Variants in RXFP2 observed in about 807,000 individuals in gnomAD.
The protein encoded by RXFP2 is relaxin receptor 2.
RXFP2 carries 68 observed loss-of-function variants against 88.6 expected under a neutral mutation model. The ratio of observed to expected loss-of-function variants is 0.77; its 90% confidence interval spans 0.63 to 0.94. The LOEUF (loss-of-function observed/expected upper bound fraction) is 0.94. Among genes scored for constraint, RXFP2 ranks in the 40% least tolerant of loss-of-function variants. The pLI is 0.00. For missense variants in RXFP2, 791 were observed against 893.9 expected (o/e 0.88, Z 1.47); for synonymous variants, 329 against 306.8 (o/e 1.07, Z -0.76).
At chr13:31,747,967 A>G (rs937330694) in intron 1 of RXFP2, among the ~76,000 whole-genome samples, 1 of 152,236 alleles carries the variant, frequency 6.6e-6, no homozygotes, top group African/African-American at 2.4e-5. Context: ...AGAGCTGCAA[A>G]GAATGTTTTC....
In RXFP2 at chr13:31,792,074, T is replaced by C. The variant is rs765058832; in HGVS notation, c.1375+39T>C. On this transcript the variant is annotated intron_variant, in intron 15 of 17. Coordinates refer to ENST00000298386, the MANE Select transcript of RXFP2 (RefSeq NM_130806.5). Reference sequence around the variant, plus strand: ...CAGTATAAGTAGATTAAGGATATCTTCTGTGAGTTGTGCACTAGACATATA... The same window carrying C: ...CAGTATAAGTAGATTAAGGATATCTCCTGTGAGTTGTGCACTAGACATATA... 2.8e-6 allele frequency: 4 copies of C among 1,442,874 alleles called. No homozygotes were observed. The African/African-American group carries it at 5.6e-5, about 20-fold the overall frequency. The allele number at this position is 1,442,874 out of a possible 1,614,324, so 89.4% of individuals were successfully genotyped here. A position where few individuals can be genotyped will look rare whatever the true frequency, so the allele number is the denominator to read the frequency against.
chr13:31,786,383 G>A lies in RXFP2; in HGVS notation c.930G>A (p.Leu310=), dbSNP rs1223975819. 6.3e-7 allele frequency: 1 copy of A among 1,599,322 alleles called. No individual in the cohort carries two copies. ...TTTGGGTTTTCATTGTCGTCAACAG[G>A]GATCTGTCTAGCAATACGATAACGG... is the stretch of plus-strand genomic sequence containing the variant. ...TFSSLKNLGE[L]DLSSNTITEL... is the part of the protein sequence containing the mutation. Residue 310 remains leucine (L), a splice_region_variant and synonymous_variant, in exon 12 of 18, where the codon CTG becomes CTA. Transcript: ENST00000298386.
intron 1 of RXFP2, among the ~76,000 whole-genome samples, chr13:31,744,222 T>C (rs772757386): frequency 2.6e-5 from 4 of 152,190 alleles, no homozygotes; most frequent in Non-Finnish European, 4.4e-5. Flanking sequence ...TTTTTCTAGG[T>C]CCAATGATTT....
At chr13:31,746,661 T>C (rs1241377695) in intron 1 of RXFP2, among the ~76,000 whole-genome samples, 2 of 147,752 alleles carry the variant, frequency 1.4e-5, no homozygotes, top group Non-Finnish European at 3.0e-5. Context: ...TTTATTCGAT[T>C]ATAGCTCAGC....
rs757898648 is a variant in RXFP2 at position 31,802,353 on chromosome 13, G to A, written c.2213G>A (p.Gly738Glu). 1.2e-6 allele frequency: 2 copies of A among 1,613,842 alleles called. No homozygotes were observed. Among genetic ancestry groups the A allele is most frequent in the Non-Finnish European group, 1.7e-6 (2 of 1,179,910 alleles). Residue 738 changes from glycine (G) to glutamate (E), a missense_variant, in exon 18 of 18, where the codon GGG (glycine) becomes GAG (glutamate). Coordinates refer to ENST00000298386, the MANE Select transcript of RXFP2 (RefSeq NM_130806.5). ...WIEDSSSLKL[G>E]VLNKITLGDS... ...GAGGACTCCTCTTCCCTGAAACTTGGGGTTTTGAACAAAATAACACTTGGA... is the reference window on the plus strand; with the variant it reads ...GAGGACTCCTCTTCCCTGAAACTTGAGGTTTTGAACAAAATAACACTTGGA...
intron 4 of RXFP2, 130 bp downstream of exon 4, chr13:31,765,272 A>T: frequency 1.5e-6 from 1 of 666,902 alleles, no homozygotes; most frequent in East Asian, 2.8e-5. Flanking sequence ...GTCATCAGAG[A>T]ATTCTCCATG....
chr13:31,780,134 C>T (rs568242042), intron 9 of RXFP2, among the ~76,000 whole-genome samples: 5 of 152,134 alleles, frequency 3.3e-5, no homozygotes, highest in Admixed American at 2.0e-4. Flanking sequence ...CTCAGGGTTC[C>T]GGAGACACTT....
intron 1 of RXFP2, among the ~76,000 whole-genome samples, chr13:31,747,594 G>A (rs760482326): frequency 2.8e-4 from 42 of 152,206 alleles, no homozygotes; most frequent in Non-Finnish European, 3.7e-4. Context: ...TTGCTATTCC[G>A]GAAAATGTTA....
At position 31,803,135 on chromosome 13, in the gene RXFP2, T is replaced by C. The variant is rs1303280053; in HGVS notation, c.*730T>C. On this transcript the variant is annotated 3_prime_UTR_variant, in exon 18 of 18. Coordinates refer to ENST00000298386, the MANE Select transcript of RXFP2 (RefSeq NM_130806.5). Reference sequence around the variant, plus strand: ...ACTGCTAAAAAGTACACTTTAATATTCTTAAAGTATAATTTCTTTAGAGCA... The same window carrying C: ...ACTGCTAAAAAGTACACTTTAATATCCTTAAAGTATAATTTCTTTAGAGCA... 6.6e-6 allele frequency: 1 copy of C among 152,276 alleles called. No homozygotes were observed. Among genetic ancestry groups the C allele is most frequent in the African/African-American group, 2.4e-5 (1 of 41,454 alleles). The allele number at this position is 152,276 out of a possible 1,614,324, so 9.4% of individuals were successfully genotyped here.
intron 2 of RXFP2, among the ~76,000 whole-genome samples, chr13:31,758,909 G>A (rs999895500): frequency 7.2e-5 from 11 of 152,086 alleles, no homozygotes; most frequent in Non-Finnish European, 1.0e-4. Flanking sequence ...TTAGCTGGCC[G>A]TGGTGACAGG....
chr13:31,742,497 G>A (rs1348152838), intron 1 of RXFP2, among the ~76,000 whole-genome samples: 1 of 152,204 alleles, frequency 6.6e-6, no homozygotes, highest in African/African-American at 2.4e-5. Flanking sequence ...GCTGAATGAA[G>A]CCCACTGTGA....
At chr13:31,763,450 G>A (rs1226714690) in intron 3 of RXFP2, among the ~76,000 whole-genome samples, 1 of 152,104 alleles carries the variant, frequency 6.6e-6, no homozygotes, top group Non-Finnish European at 1.5e-5. Flanking sequence ...GTGGGTAGAG[G>A]CCAGGGCTAC....
At chr13:31,754,137 T>C (rs1871810750) in intron 1 of RXFP2, among the ~76,000 whole-genome samples, 1 of 152,228 alleles carries the variant, frequency 6.6e-6, no homozygotes, top group African/African-American at 2.4e-5. Context: ...GGAAACCATC[T>C]TGATGCCTTT....
At chr13:31,759,401 G>GAAAGAA in intron 2 of RXFP2, among the ~76,000 whole-genome samples, 1 of 147,830 alleles carries the variant, frequency 6.8e-6, no homozygotes, top group South Asian at 2.3e-4. Flanking sequence ...AAGAAAGAAA[G>GAAAGAA]AAAGAAAGAA....
At chr13:31,750,494 C>A (rs1051079927) in intron 1 of RXFP2, among the ~76,000 whole-genome samples, 9 of 152,020 alleles carry the variant, frequency 5.9e-5, no homozygotes, top group African/African-American at 2.2e-4. Flanking sequence ...TCTCTAAATT[C>A]TTTAATTGAA....
chr13:31,785,639 G>C (rs1217075315), intron 11 of RXFP2, among the ~76,000 whole-genome samples: 1 of 151,650 alleles, frequency 6.6e-6, no homozygotes, highest in Admixed American at 6.6e-5. Context: ...ATAACCATCA[G>C]CAGTTCCAGA....
Position 31,766,057 on chromosome 13 carries a change from A to T in RXFP2, c.497+30A>T, listed in dbSNP as rs1450256340. The T allele has an allele frequency of 7.3e-6, 7 of 961,866 alleles. No individual in the cohort carries two copies. The African/African-American group carries it at 2.6e-4, about 36-fold the overall frequency. 59.6% of individuals were successfully genotyped at this position (961,866 alleles called of 1,614,324 possible). On this transcript the variant is annotated intron_variant, in intron 5 of 17. Transcript: ENST00000298386. ...GTAGCCGTTAATAGCATATTTATTT[A>T]AAAAAAATCCTCGTGGTGGTGTAAG...
At chr13:31,750,880 T>G (rs946647997) in intron 1 of RXFP2, among the ~76,000 whole-genome samples, 5 of 152,166 alleles carry the variant, frequency 3.3e-5, no homozygotes, top group Non-Finnish European at 5.9e-5. Flanking sequence ...TCTGAGAAAT[T>G]TAATTGTGAA....
At chr13:31,768,261 T>C (rs1359136676) in intron 5 of RXFP2, among the ~76,000 whole-genome samples, 1 of 152,194 alleles carries the variant, frequency 6.6e-6, no homozygotes, top group Non-Finnish European at 1.5e-5. Flanking sequence ...TTGCAGGCAA[T>C]TTAATTTTCC....
Sources: allele counts gnomAD v4.1 joint callset (sites outside exome capture counted in the v4.1 genomes callset), GRCh38; gene constraint gnomAD v4.1.1; transcripts MANE v1.5; gene names NCBI Gene and HGNC (gene_info 2026-07-23, HGNC 2026-07-21).